The following SHANK2 variants were observed in gnomAD, a reference collection of about 807,000 sequenced individuals.
SHANK2 encodes the protein SH3 and multiple ankyrin repeat domains 2.
Under a neutral mutation model 133.7 loss-of-function variants are expected in SHANK2, and 43 were observed. The observed-to-expected ratio is 0.32, with a 90% CI of 0.25 to 0.41. The LOEUF is 0.41. SHANK2 is among the 10% of genes least tolerant of loss of function. The pLI, the probability that SHANK2 is intolerant of heterozygous loss-of-function variation, is 1.00. For missense variants in SHANK2, 1,994 were observed against 2,235.8 expected (o/e 0.89, Z 2.18); for synonymous variants, 1,017 against 952.8 (o/e 1.07, Z -1.24).
chr11:70,952,357 G>A (rs78446268), intron 10 of SHANK2, among the ~76,000 whole-genome samples: 9,718 of 152,260 alleles, frequency 0.064, 667 homozygotes, highest in African/African-American at 0.17. Flanking sequence ...TCATAGAAAT[G>A]GTGTTGGACA....
In SHANK2 at chr11:70,500,635, G is replaced by A. The variant is rs782005290; in HGVS notation, c.2288-45C>T. The A allele has an allele frequency of 1.4e-5, 22 of 1,585,710 alleles. No individual in the cohort carries two copies. Among genetic ancestry groups the A allele is most frequent in the South Asian group, 3.5e-5 (3 of 86,784 alleles). ...CCGCCATGAGCCACCAGGATGCAGC[G>A]CCCGCCCGCAGCCTACACTCGGGCC... On this transcript the variant is annotated intron_variant, in intron 20 of 25. Transcript: ENST00000601538. The surrounding 1 kb of genome is among the most constrained non-coding windows in gnomAD (Gnocchi z 4.5).
chr11:70,922,918 C>T (rs1174499139), intron 10 of SHANK2, among the ~76,000 whole-genome samples: 14 of 151,440 alleles, frequency 9.2e-5, no homozygotes, highest in Non-Finnish European at 1.5e-5. Flanking sequence ...AACAAACAAA[C>T]AAACAAAAAA....
chr11:70,509,466 T>C (rs1305833105), intron 17 of SHANK2, among the ~76,000 whole-genome samples: 1 of 152,240 alleles, frequency 6.6e-6, no homozygotes, highest in Non-Finnish European at 1.5e-5. Context: ...AGCATGGAGC[T>C]CTGCACTCTT....
chr11:70,756,310 T>C (rs1435886504), intron 14 of SHANK2, among the ~76,000 whole-genome samples: 1 of 152,178 alleles, frequency 6.6e-6, no homozygotes, highest in Non-Finnish European at 1.5e-5. Flanking sequence ...CTGGGTTCTC[T>C]GAGCCTTAGA....
intron 14 of SHANK2, among the ~76,000 whole-genome samples, chr11:70,743,634 T>C (rs1946578917): frequency 6.6e-6 from 1 of 152,102 alleles, no homozygotes; most frequent in Non-Finnish European, 1.5e-5. Context: ...ACAGAAAAGC[T>C]TCTCTATAGA....
Position 70,852,451 on chromosome 11 carries a change from G to C in SHANK2, c.1175-31769C>G, listed in dbSNP as rs1048896443. ...CCAGGGCAGGAGGGTTGCAGGGGAA[G>C]GGCAGGAAGAACGGGCTGGCTGTCC... is the stretch of plus-strand genomic sequence containing the variant. On this transcript the variant is annotated intron_variant, in intron 11 of 25. Transcript: ENST00000601538. Among the ~76,000 whole-genome samples, 3 of 152,196 alleles carry C rather than the reference G, an allele frequency of 2.0e-5. No individual in the cohort carries two copies. The South Asian group carries it at 6.2e-4, about 32-fold the overall frequency.
At chr11:70,556,590 C>CTTTT (rs56161301) in intron 17 of SHANK2, among the ~76,000 whole-genome samples, 2 of 140,160 alleles carry the variant, frequency 1.4e-5, no homozygotes, top group Non-Finnish European at 3.1e-5. Flanking sequence ...TAATTTTTTT[C>CTTTT]TTTTTTTTTT....
intron 17 of SHANK2, among the ~76,000 whole-genome samples, chr11:70,633,383 G>A (rs778943906): frequency 1.1e-4 from 17 of 151,918 alleles, no homozygotes; most frequent in South Asian, 2.1e-4. Flanking sequence ...CAGGGAGAGT[G>A]AAAAAGACCC....
chr11:70,523,242 C>G (rs1554971433), intron 17 of SHANK2, among the ~76,000 whole-genome samples: 1 of 152,224 alleles, frequency 6.6e-6, no homozygotes, highest in East Asian at 1.9e-4. Flanking sequence ...GGCCTCACAC[C>G]TCAATGCGAC....
At chr11:71,098,406 G>C (rs1430092699) in intron 6 of SHANK2, among the ~76,000 whole-genome samples, 1 of 152,232 alleles carries the variant, frequency 6.6e-6, no homozygotes, top group Non-Finnish European at 1.5e-5. Flanking sequence ...CTTCCTATGA[G>C]GGGAAGTGAC....
intron 3 of SHANK2, among the ~76,000 whole-genome samples, chr11:71,139,816 G>A (rs369980272): frequency 1.3e-5 from 2 of 152,232 alleles, no homozygotes; most frequent in African/African-American, 4.8e-5. Context: ...GTGCCTGAAG[G>A]GTTGTGAGCA....
At chr11:70,733,709 T>A (rs975489800) in intron 14 of SHANK2, among the ~76,000 whole-genome samples, 1 of 151,082 alleles carries the variant, frequency 6.6e-6, no homozygotes, top group Non-Finnish European at 1.5e-5. Flanking sequence ...GAGAGGGGGG[T>A]GGCAGGTAAG....
intron 8 of SHANK2, among the ~76,000 whole-genome samples, chr11:71,077,258 A>G (rs1299726856): frequency 1.3e-5 from 2 of 152,238 alleles, no homozygotes; most frequent in Non-Finnish European, 2.9e-5. Flanking sequence ...CTCTGTGGTC[A>G]ATAAAGACAA....
chr11:70,548,727 C>G (rs1340913367), intron 17 of SHANK2, among the ~76,000 whole-genome samples: 1 of 152,168 alleles, frequency 6.6e-6, no homozygotes, highest in Non-Finnish European at 1.5e-5. Flanking sequence ...ACCCCCGGAG[C>G]CTGTGAGCGT....
At chr11:70,771,844 G>C (rs1395196988) in intron 14 of SHANK2, among the ~76,000 whole-genome samples, 1 of 152,198 alleles carries the variant, frequency 6.6e-6, no homozygotes, top group African/African-American at 2.4e-5. Flanking sequence ...GAGCTGCCAG[G>C]ACTCCAGAAT....
chr11:70,722,086 C>T (rs150567655), intron 14 of SHANK2, among the ~76,000 whole-genome samples: 26 of 152,342 alleles, frequency 1.7e-4, no homozygotes, highest in South Asian at 1.2e-3. Context: ...ATCATCTTCC[C>T]GCTTTGTCAT....
intron 2 of SHANK2, among the ~76,000 whole-genome samples, chr11:71,165,280 C>T (rs11232364): frequency 0.067 from 10,151 of 152,106 alleles, 728 homozygotes; most frequent in African/African-American, 0.18. Context: ...GCCATCCGCC[C>T]GCCTTGGCCT....
rs561586939 is a variant in SHANK2, at chr11:70,597,065, C to G, written c.2061+62763G>C. On this transcript the variant is annotated intron_variant, in intron 17 of 25. Coordinates refer to ENST00000601538, the MANE Select transcript of SHANK2 (RefSeq NM_012309.5). ...ACATCCTCAGACCCTATGAACAAAG[C>G]TGAATAATTGTGCACCGGTGCTCAG... 2.0e-5 allele frequency among the ~76,000 whole-genome samples: 3 copies of G among 152,224 alleles called. No individual in the cohort carries two copies. In the South Asian group the frequency reaches 6.2e-4, roughly 32 times the overall value.
intron 14 of SHANK2, among the ~76,000 whole-genome samples, chr11:70,737,917 C>A (rs185298906): frequency 1.7e-4 from 26 of 152,362 alleles, no homozygotes; most frequent in Admixed American, 4.6e-4. Flanking sequence ...GCATGTGTGA[C>A]AATGACAAGT....
Sources: gnomAD v4.1 joint callset for allele counts (sites outside exome capture counted in the v4.1 genomes callset) on GRCh38, gnomAD v4.1.1 for gene constraint, Gnocchi (gnomAD v3.1) non-coding constraint, MANE v1.5 for transcripts, NCBI Gene and HGNC (gene_info 2026-07-23, HGNC 2026-07-21) for gene names.